Variants in MACROD2 observed in about 807,000 individuals in gnomAD.
MACROD2 encodes the protein ADP-ribose glycohydrolase MACROD2.
MACROD2 carries 36 observed loss-of-function variants against 70.4 expected under a neutral mutation model. That is an observed-to-expected ratio of 0.51 (90% confidence interval 0.39 to 0.68). The LOEUF is 0.68. Ranked by LOEUF, MACROD2 falls within the 30% of genes least tolerant of loss-of-function variation. MACROD2 has a pLI of 0.00. For missense variants in MACROD2, 496 were observed against 538.4 expected (o/e 0.92, Z 0.78); for synonymous variants, 172 against 178.8 (o/e 0.96, Z 0.30).
At chr20:15,627,697 C>A (rs1401364215) in intron 8 of MACROD2, among the ~76,000 whole-genome samples, 1 of 152,174 alleles carries the variant, frequency 6.6e-6, no homozygotes, top group Non-Finnish European at 1.5e-5. Context: ...GAAAATGTCT[C>A]AAAAGGCCAG....
At chr20:14,002,258 C>A (rs2052742082) in intron 1 of MACROD2, 30 bp from the exon 2 acceptor site, 1 of 1,393,902 alleles carries the variant, frequency 7.2e-7, no homozygotes, top group Non-Finnish European at 1.0e-6. Flanking sequence ...ACGTTAAATA[C>A]AAATGGAGAT....
At chr20:14,401,608 C>T (rs2083638734) in intron 3 of MACROD2, among the ~76,000 whole-genome samples, 1 of 152,054 alleles carries the variant, frequency 6.6e-6, no homozygotes, top group Non-Finnish European at 1.5e-5. Flanking sequence ...TGTGTTTATT[C>T]TGAATTGACT....
intron 8 of MACROD2, among the ~76,000 whole-genome samples, chr20:15,534,667 C>A (rs901830960): frequency 2.0e-5 from 3 of 152,006 alleles, no homozygotes; most frequent in Admixed American, 6.5e-5. Flanking sequence ...ACAGTTCAAC[C>A]CCCAATATAC....
intron 8 of MACROD2, among the ~76,000 whole-genome samples, chr20:15,727,914 T>C (rs893703768): frequency 3.3e-5 from 5 of 152,136 alleles, no homozygotes; most frequent in African/African-American, 9.7e-5. Context: ...GGATGCACTT[T>C]TGTTTCTTTC....
rs927158073 is a variant in MACROD2 at position 14,059,315 on chromosome 20, C to T, written c.164-26306C>T. Among the ~76,000 whole-genome samples the T allele has an allele frequency of 1.4e-4, 22 of 152,244 alleles. No individual in the cohort carries two copies. The Middle Eastern group carries it at 0.017, about 118-fold the overall frequency. On this transcript the variant is annotated intron_variant, in intron 2 of 17. Coordinates refer to ENST00000684519, the MANE Select transcript of MACROD2 (RefSeq NM_001351661.2). ...GCTTTTTTGTAAACATATTTACAAT[C>T]ATTATTCACTCAAAAATTTATTGAG...
chr20:15,276,920 A>G (rs967607301), intron 6 of MACROD2, among the ~76,000 whole-genome samples: 1 of 152,248 alleles, frequency 6.6e-6, no homozygotes, highest in African/African-American at 2.4e-5. Flanking sequence ...TTTAACAAAC[A>G]TGCTGATATT....
At chr20:14,876,091 CA>C (rs1445944094) in intron 5 of MACROD2, among the ~76,000 whole-genome samples, 1 of 152,158 alleles carries the variant, frequency 6.6e-6, no homozygotes, top group Non-Finnish European at 1.5e-5. Context: ...CTCCCACCAA[CA>C]AAGTATAAGC....
At chr20:15,033,534 C>T (rs991434270) in intron 5 of MACROD2, among the ~76,000 whole-genome samples, 1 of 152,200 alleles carries the variant, frequency 6.6e-6, no homozygotes, top group Non-Finnish European at 1.5e-5. Flanking sequence ...TCTTTATACA[C>T]TTGAGGTAAC....
intron 12 of MACROD2, among the ~76,000 whole-genome samples, chr20:15,942,685 GTTATTA>G (rs1417316120): frequency 6.6e-6 from 1 of 152,120 alleles, no homozygotes; most frequent in Non-Finnish European, 1.5e-5. Context: ...CTTTTACAAA[GTTATTA>G]TTATTACTAT....
intron 3 of MACROD2, among the ~76,000 whole-genome samples, chr20:14,472,413 A>C (rs150010494): frequency 7.9e-5 from 12 of 152,302 alleles, no homozygotes; most frequent in Admixed American, 7.2e-4. Context: ...TTTCCAGCAT[A>C]TGTTGAATGC....
chr20:14,551,717 A>G (rs1978663831), intron 4 of MACROD2, among the ~76,000 whole-genome samples: 2 of 152,316 alleles, frequency 1.3e-5, no homozygotes, highest in Admixed American at 1.3e-4. Context: ...ATATATAAGA[A>G]TAGACCTTTG....
chr20:15,516,246 T>C (rs1366666771), intron 8 of MACROD2, among the ~76,000 whole-genome samples: 2 of 152,218 alleles, frequency 1.3e-5, no homozygotes, highest in Admixed American at 1.3e-4. Context: ...TATTTTTTAA[T>C]TGTCATGTAT....
chr20:14,552,732 A>G (rs1978742035), intron 4 of MACROD2, among the ~76,000 whole-genome samples: 1 of 152,152 alleles, frequency 6.6e-6, no homozygotes, highest in African/African-American at 2.4e-5. Context: ...CAATTGTAAC[A>G]AAATGGTAAG....
At chr20:15,814,055 ACCAAGTTAATT>A (rs910357576) in intron 8 of MACROD2, among the ~76,000 whole-genome samples, 1 of 152,222 alleles carries the variant, frequency 6.6e-6, no homozygotes, top group Admixed American at 6.5e-5. Context: ...GATACCCTTA[ACCAAGTTAATT>A]GAGGAGAGAA....
intron 8 of MACROD2, among the ~76,000 whole-genome samples, chr20:15,675,824 A>C (rs1031129889): frequency 2.0e-5 from 3 of 152,202 alleles, no homozygotes; most frequent in Non-Finnish European, 2.9e-5. Flanking sequence ...AACCTTCAGG[A>C]ACTTGCTGAG....
At chr20:14,689,974 T>A (rs1211885966) in intron 5 of MACROD2, among the ~76,000 whole-genome samples, 1 of 151,936 alleles carries the variant, frequency 6.6e-6, no homozygotes, top group South Asian at 2.1e-4. Flanking sequence ...AATTATGAAA[T>A]CAGTGTCAAT....
intron 3 of MACROD2, among the ~76,000 whole-genome samples, chr20:14,259,097 C>T (rs1012547665): frequency 6.6e-5 from 10 of 152,148 alleles, no homozygotes; most frequent in Middle Eastern, 3.2e-3. Flanking sequence ...CATGTACCAC[C>T]ATGCCCAGCT....
intron 5 of MACROD2, among the ~76,000 whole-genome samples, chr20:14,921,487 T>TTA (rs1215755079): frequency 6.6e-6 from 1 of 152,190 alleles, no homozygotes; most frequent in African/African-American, 2.4e-5. Flanking sequence ...CTAAGCATAA[T>TTA]TGTCATGTAT....
intron 2 of MACROD2, among the ~76,000 whole-genome samples, chr20:14,009,573 A>G (rs1452746912): frequency 1.3e-5 from 2 of 152,236 alleles, no homozygotes; most frequent in African/African-American, 4.8e-5. Context: ...TTAAAGACAT[A>G]GAGGTAAAAA....
Sources: allele counts gnomAD v4.1 joint callset (sites outside exome capture counted in the v4.1 genomes callset), GRCh38; gene constraint gnomAD v4.1.1; transcripts MANE v1.5; gene names NCBI Gene and HGNC (gene_info 2026-07-23, HGNC 2026-07-21).